Variants in KHSRP observed in about 807,000 individuals in gnomAD.
The protein encoded by KHSRP is far upstream element-binding protein 2.
Under a neutral mutation model 94.9 loss-of-function variants are expected in KHSRP, and 13 were observed. The ratio of observed to expected loss-of-function variants is 0.14; its 90% CI spans 0.09 to 0.22. The LOEUF (loss-of-function observed/expected upper bound fraction) is 0.22. KHSRP is among the 10% of genes least tolerant of loss of function. The pLI, the probability that KHSRP is intolerant of heterozygous loss-of-function variation, is 1.00. For synonymous variants in KHSRP, 495 were observed against 401.4 expected (o/e 1.23, Z -2.79); for missense variants, 710 against 1,010.0 (o/e 0.70, Z 4.03).
At chr19:6,417,118 A>G in intron 11 of KHSRP, 31 bp from the exon 12 acceptor site, 2 of 1,555,738 alleles carry the variant, frequency 1.3e-6, no homozygotes, top group Non-Finnish European at 1.7e-6. Context: ...GCAGAGACAC[A>G]AGTTTAAAAG....
At chr19:6,422,128 C>T (rs867341921) in intron 2 of KHSRP, among the ~76,000 whole-genome samples, 3 of 152,208 alleles carry the variant, frequency 2.0e-5, no homozygotes, top group Non-Finnish European at 4.4e-5. Context: ...CTTACAACTT[C>T]GACCCAGTCA....
intron 11 of KHSRP, 39 bp from the exon 12 acceptor site, chr19:6,417,126 A>C (rs2092153336): frequency 9.2e-6 from 14 of 1,527,048 alleles, no homozygotes; most frequent in Non-Finnish European, 1.2e-5. Context: ...ACAAGTTTAA[A>C]AGAAGAGCCC....
At position 6,418,630 on chromosome 19, in the gene KHSRP, T is replaced by C. The variant is rs2092172448; in HGVS notation, c.781-49A>G. Reference sequence around the variant, plus strand: ...AGTGCTGGGCTCTCCCAGGACTTCCTGGGCTGCTGTGGTGGTGGCGGTGGG... The same window carrying C: ...AGTGCTGGGCTCTCCCAGGACTTCCCGGGCTGCTGTGGTGGTGGCGGTGGG... On this transcript the variant is annotated intron_variant, in intron 8 of 18. Transcript: ENST00000600480. This position sits in a 1 kb window ranked among gnomAD's most constrained non-coding sequence, Gnocchi z 4.3. 6.2e-7 allele frequency: 1 copy of C among 1,613,070 alleles called. No homozygotes were observed. The highest frequency in any genetic ancestry group is 8.5e-7 in the Non-Finnish European group (1 of 1,179,040).
Position 6,415,448 on chromosome 19 carries a change from G to T in KHSRP, c.1898C>A (p.Pro633His). 6.4e-7 allele frequency: 1 copy of T among 1,566,206 alleles called. No homozygotes were observed. The highest frequency in any genetic ancestry group is 2.4e-5 in the East Asian group (1 of 42,106). ...EEYYKKIGQQ[P>H]QQPGAPPQQD... ...CTGTGGGGGTGCTCCGGGCTGCTGG[G>T]GCTGCTGGCCTGTGCGGGCGCCGAG... Residue 633 changes from proline (P) to histidine (H), a missense_variant, in exon 18 of 19, where the codon CCC becomes CAC. By Grantham distance (77) the Pro-to-His change is moderately conservative (BLOSUM62 -2). Coordinates refer to ENST00000600480, the MANE Select transcript of KHSRP (RefSeq NM_001366299.1).
Position 6,414,119 on chromosome 19 carries a change from G to C in KHSRP, c.*905C>G. On this transcript the variant is annotated 3_prime_UTR_variant, in exon 19 of 19. Transcript: ENST00000600480. Reference sequence around the variant, plus strand: ...AGTTCACATTCATTCGATTCATTGAGCCTGCGGAGAGGGAAGAGATAGGAA... The same window carrying C: ...AGTTCACATTCATTCGATTCATTGACCCTGCGGAGAGGGAAGAGATAGGAA... The C allele has an allele frequency of 6.2e-7, 1 of 1,607,694 alleles. No individual in the cohort carries two copies. The highest frequency in any genetic ancestry group is 8.5e-7 in the Non-Finnish European group (1 of 1,176,158).
chr19:6,414,824 G>A lies in KHSRP; in HGVS notation c.*200C>T, dbSNP rs1172645435. The stretch of plus-strand genomic sequence containing the variant: ...CCGGTGCCCACCGTCCGCGCTGTCT[G>A]CCTGCCCCCCGACTCCCCAGCAGTT... On this transcript the variant is annotated 3_prime_UTR_variant, in exon 19 of 19. Transcript: ENST00000600480. The A allele has an allele frequency of 4.9e-6, 6 of 1,225,426 alleles. No individual in the cohort carries two copies. The highest frequency in any genetic ancestry group is 6.1e-6 in the Non-Finnish European group (6 of 980,324). The allele number at this position is 1,225,426 out of a possible 1,614,324, so 75.9% of individuals were successfully genotyped here. A position where few individuals can be genotyped will look rare whatever the true frequency, so the allele number is the denominator to read the frequency against.
In KHSRP at chr19:6,414,733, G is replaced by A. The variant is rs770996886; in HGVS notation, c.*291C>T. 6 of 1,058,632 alleles carry A rather than the reference G, an allele frequency of 5.7e-6. No individual in the cohort carries two copies. The African/African-American group carries it at 6.7e-5, about 12-fold the overall frequency. 65.6% of individuals were successfully genotyped at this position (1,058,632 alleles called of 1,614,324 possible). A position where few individuals can be genotyped will look rare whatever the true frequency, so the allele number is the denominator to read the frequency against. On this transcript the variant is annotated 3_prime_UTR_variant, in exon 19 of 19. Transcript: ENST00000600480. ...ACAAAAACCAAAAAAGTGATGCAGA[G>A]AAGGGGAAAAAATAGACGTTTTCTT...
In KHSRP at chr19:6,424,523, T is replaced by C; in HGVS notation, c.179A>G (p.Gln60Arg). ...TCCCGGGCCGCCTCCGCCGGGTGGC[T>C]GAGAGGGGCCCCCGGCCGACCCCCC... The part of the protein sequence containing the change: ...PGGGSAGGPS[Q>R]PPGGGGPGIR... Residue 60 changes from glutamine to arginine, a missense_variant, in exon 1 of 19, where the codon CAG (glutamine) becomes CGG (arginine). This residue lies in a region of KHSRP where 92 missense variants were observed against 80.8 expected (regional missense o/e 1.14). Coordinates refer to ENST00000600480, the MANE Select transcript of KHSRP (RefSeq NM_001366299.1). 2.0e-6 allele frequency: 2 copies of C among 982,274 alleles called. No homozygotes were observed. The highest frequency in any genetic ancestry group is 2.4e-6 in the Non-Finnish European group (2 of 829,448). 60.8% of individuals were successfully genotyped at this position (982,274 alleles called of 1,614,324 possible). A position where few individuals can be genotyped will look rare whatever the true frequency, so the allele number is the denominator to read the frequency against.
In KHSRP at chr19:6,420,403, CA is replaced by C. The variant is rs772747376; in HGVS notation, c.475+18del. The C allele has an allele frequency of 3.1e-6, 5 of 1,612,840 alleles. 1 individual carries two copies. In the Admixed American group the frequency reaches 8.3e-5, roughly 27 times the overall value. On this transcript the variant is annotated intron_variant, in intron 5 of 18. Coordinates refer to ENST00000600480, the MANE Select transcript of KHSRP (RefSeq NM_001366299.1). ...CTGGGGAAGAGTGGGCCTCCCCACCCAAGGTGACCCACACTCACTCAGGCCC... is the reference window on the plus strand; with the variant it reads ...CTGGGGAAGAGTGGGCCTCCCCACCCAGGTGACCCACACTCACTCAGGCCC...
intron 11 of KHSRP, 38 bp from the exon 12 acceptor site, chr19:6,417,125 AAAG>A (rs1280049303): frequency 1.2e-5 from 18 of 1,533,206 alleles, no homozygotes; most frequent in Non-Finnish European, 1.6e-5. Flanking sequence ...CACAAGTTTA[AAAG>A]AAGAGCCCAC....
At chr19:6,419,581 C>A (rs1226740810) in intron 6 of KHSRP, among the ~76,000 whole-genome samples, 2 of 152,190 alleles carry the variant, frequency 1.3e-5, no homozygotes, top group Non-Finnish European at 2.9e-5. Flanking sequence ...GTGCTACACG[C>A]CCAAGGAAGC....
At chr19:6,421,792 C>A in intron 2 of KHSRP, 104 bp from the exon 3 acceptor site, 1 of 1,351,854 alleles carries the variant, frequency 7.4e-7, no homozygotes, top group South Asian at 1.2e-5. Flanking sequence ...CCCTCGGCCC[C>A]CACCCTTAAC....
Position 6,414,232 on chromosome 19 carries a change from C to T in KHSRP, c.*792G>A. 6.6e-7 allele frequency: 1 copy of T among 1,515,858 alleles called. No individual in the cohort carries two copies. Among genetic ancestry groups the T allele is most frequent in the South Asian group, 1.3e-5 (1 of 79,262 alleles). The allele number at this position is 1,515,858 out of a possible 1,614,324, so 93.9% of individuals were successfully genotyped here. On this transcript the variant is annotated 3_prime_UTR_variant, in exon 19 of 19. Coordinates refer to ENST00000600480, the MANE Select transcript of KHSRP (RefSeq NM_001366299.1). ...ACCGTGGGGGGGGCCAGGAAGCCCC[C>T]TCCCAAACCTGCGCTGGCTCAGGCT...
At chr19:6,420,392 G>A in intron 5 of KHSRP, 30 bp downstream of exon 5, 2 of 1,609,102 alleles carry the variant, frequency 1.2e-6, no homozygotes, top group Non-Finnish European at 8.5e-7. Flanking sequence ...GGAAGAGTGG[G>A]CCTCCCCACC....
At position 6,418,032 on chromosome 19, in the gene KHSRP, G is replaced by A. The variant is rs369743548; in HGVS notation, c.927C>T (p.Gly309=). 25 of 1,613,782 alleles carry A rather than the reference G, an allele frequency of 1.5e-5. No homozygotes were observed. Among genetic ancestry groups the A allele is most frequent in the African/African-American group, 6.7e-5 (5 of 74,890 alleles). ...CGTACTCATTCCGGTCCCCAAAGCC[G>A]CCTTGGTCACGTTCCCGGAGGATGT... ...VMDILRERDQ[G]GFGDRNEYGS... The change falls in exon 10 of 19, where the codon GGC becomes GGT. Residue 309 remains glycine, a synonymous_variant. Coordinates refer to ENST00000600480, the MANE Select transcript of KHSRP (RefSeq NM_001366299.1). This position sits in a 1 kb window ranked among gnomAD's most constrained non-coding sequence, Gnocchi z 4.3.
At position 6,417,853 on chromosome 19, in the gene KHSRP, G is replaced by A. The variant is rs762633347; in HGVS notation, c.979-12C>T. The A allele has an allele frequency of 1.1e-5, 17 of 1,612,642 alleles. No homozygotes were observed. Among genetic ancestry groups the A allele is most frequent in the Non-Finnish European group, 1.3e-5 (15 of 1,178,976 alleles). ...CTGGGCACTGGCACCTGGGGAGGGA[G>A]GCAGCAGCGTCAGCTCGGCCCGCAG... On this transcript the variant is annotated splice_polypyrimidine_tract_variant and intron_variant, in intron 10 of 18. Coordinates refer to ENST00000600480, the MANE Select transcript of KHSRP (RefSeq NM_001366299.1).
chr19:6,414,029 C>T lies in KHSRP; in HGVS notation c.*995G>A. On this transcript the variant is annotated 3_prime_UTR_variant, in exon 19 of 19. Transcript: ENST00000600480. ...CCCACGGCAGCCATCGCTCTCTCGC[C>T]AAACAAAACAGAAGCCCCCAAACAG... 1.3e-6 allele frequency: 2 copies of T among 1,524,992 alleles called. No individual in the cohort carries two copies. Among genetic ancestry groups the T allele is most frequent in the Non-Finnish European group, 1.8e-6 (2 of 1,135,712 alleles). The allele number at this position is 1,524,992 out of a possible 1,614,324, so 94.5% of individuals were successfully genotyped here. A position where few individuals can be genotyped will look rare whatever the true frequency, so the allele number is the denominator to read the frequency against.
rs771988976 is a variant in KHSRP, at chr19:6,421,282, G to C, written c.421C>G (p.Pro141Ala). 3.1e-6 allele frequency: 5 copies of C among 1,588,264 alleles called. No homozygotes were observed. In the South Asian group the frequency reaches 4.6e-5, roughly 15 times the overall value. ...SSQLGPIHPP[P>A]RTSMTEEYRV... ...GTGGGCCCCACCATGGCTTACCTTG[G>C]GGGAGGATGGATGGGTCCAAGTTGA... is the stretch of plus-strand genomic sequence containing the variant. Residue 141 changes from proline to alanine, a missense_variant, in exon 4 of 19, where the codon CCA becomes GCA. Pro to Ala is a conservative substitution (Grantham distance 27, BLOSUM62 -1). Transcript: ENST00000600480.
chr19:6,422,187 C>T (rs972720801), intron 2 of KHSRP, among the ~76,000 whole-genome samples, 153 bp downstream of exon 2: 38 of 152,142 alleles, frequency 2.5e-4, no homozygotes, highest in African/African-American at 8.5e-4. Context: ...GGATGGCAGA[C>T]GGAACAAGAA....
Sources: allele counts gnomAD v4.1 joint callset (sites outside exome capture counted in the v4.1 genomes callset), GRCh38; gene constraint gnomAD v4.1.1; regional missense constraint gnomAD v4.1.1; non-coding constraint Gnocchi (gnomAD v3.1); transcripts MANE v1.5; gene names NCBI Gene and HGNC (gene_info 2026-07-23, HGNC 2026-07-21).